MYT1L: variants seen among roughly 807,000 people sequenced by gnomAD.
The protein encoded by MYT1L is myelin transcription factor 1-like protein.
In MYT1L, 12 loss-of-function variants were observed where a neutral mutation model predicts 126.7. The ratio of observed to expected loss-of-function variants is 0.09; its 90% CI spans 0.06 to 0.15. The LOEUF is 0.15. MYT1L is among the 10% of genes least tolerant of loss of function. MYT1L has a pLI of 1.00. For synonymous variants in MYT1L, 541 were observed against 604.2 expected (o/e 0.90, Z 1.53); for missense variants, 979 against 1,585.2 (o/e 0.62, Z 6.49).
chr2:2,075,242 G>C (rs1179522235), intron 3 of MYT1L, among the ~76,000 whole-genome samples: 3 of 152,186 alleles, frequency 2.0e-5, no homozygotes, highest in Non-Finnish European at 4.4e-5. Context: ...ATAAAGAAAG[G>C]ATTATTTTTC....
chr2:2,213,616 A>G (rs1171430532), intron 2 of MYT1L, among the ~76,000 whole-genome samples: 1 of 152,206 alleles, frequency 6.6e-6, no homozygotes, highest in African/African-American at 2.4e-5. Context: ...GAGCACTCAG[A>G]AGGCCTCAAC....
At chr2:1,862,035 G>A (rs2044751876) in intron 18 of MYT1L, among the ~76,000 whole-genome samples, 1 of 152,200 alleles carries the variant, frequency 6.6e-6, no homozygotes, top group African/African-American at 2.4e-5. Context: ...GTTACCTGAT[G>A]TTTTCTCTTT....
chr2:2,120,330 T>C (rs1357521160), intron 3 of MYT1L, among the ~76,000 whole-genome samples: 6 of 152,166 alleles, frequency 3.9e-5, no homozygotes, highest in Non-Finnish European at 8.8e-5. Context: ...GTCATCTGCC[T>C]GGGCCTCTGT....
chr2:1,914,364 T>G (rs573991939), intron 11 of MYT1L, among the ~76,000 whole-genome samples: 1 of 152,258 alleles, frequency 6.6e-6, no homozygotes, highest in South Asian at 2.1e-4. Context: ...TGGTTTTCTG[T>G]TTCTCTGATT....
intron 2 of MYT1L, among the ~76,000 whole-genome samples, chr2:2,208,142 C>T (rs780880607): frequency 2.6e-5 from 4 of 152,184 alleles, no homozygotes; most frequent in African/African-American, 7.2e-5. Flanking sequence ...TCTCTCCAGC[C>T]GTCTCAGGGG....
chr2:2,293,742 C>T (rs575595662), intron 1 of MYT1L, among the ~76,000 whole-genome samples: 1 of 152,268 alleles, frequency 6.6e-6, no homozygotes, highest in African/African-American at 2.4e-5. Context: ...TGGACACCAA[C>T]CCCCAGGTGC....
rs118166045 is a variant in MYT1L at position 1,899,985 on chromosome 2, C to A, written c.2032+3095G>T. Among the ~76,000 whole-genome samples, 57 of 152,350 alleles carry A rather than the reference C, an allele frequency of 3.7e-4. No homozygotes were observed. In the East Asian group the frequency reaches 7.7e-3, roughly 21 times the overall value. The stretch of plus-strand genomic sequence containing the variant: ...AGCTGGTGTGATTTAAGAGATGATT[C>A]TCCAAGGCTGTAGGGAAGGTCCTAT... On this transcript the variant is annotated intron_variant, in intron 14 of 24. Transcript: ENST00000647738.
At chr2:2,194,094 T>A (rs1025005423) in intron 2 of MYT1L, among the ~76,000 whole-genome samples, 2 of 151,944 alleles carry the variant, frequency 1.3e-5, no homozygotes, top group Non-Finnish European at 2.9e-5. Context: ...ATATATATAT[T>A]TTTGAGATGG....
At chr2:1,954,297 C>T (rs149204817) in intron 8 of MYT1L, among the ~76,000 whole-genome samples, 25 of 152,286 alleles carry the variant, frequency 1.6e-4, no homozygotes, top group African/African-American at 5.1e-4. Context: ...ACTCACTGCC[C>T]GTTAGATGCT....
intron 18 of MYT1L, among the ~76,000 whole-genome samples, chr2:1,860,038 T>G (rs1006668867): frequency 1.3e-5 from 2 of 152,252 alleles, no homozygotes; most frequent in African/African-American, 4.8e-5. Flanking sequence ...AGCCTAGGAC[T>G]CTTCACTTAT....
chr2:1,901,973 T>C (rs146064757), intron 14 of MYT1L, among the ~76,000 whole-genome samples: 14 of 152,350 alleles, frequency 9.2e-5, no homozygotes, highest in African/African-American at 3.1e-4. Context: ...AGTATCTTTT[T>C]CAAAGAAAAG....
chr2:2,129,922 T>A lies in MYT1L; in HGVS notation c.-304+42950A>T, dbSNP rs1206640579. Among the ~76,000 whole-genome samples the A allele has an allele frequency of 4.1e-4, 58 of 141,916 alleles. 2 individuals are homozygous for A. The South Asian group carries it at 8.1e-3, about 20-fold the overall frequency. 93.1% of individuals were successfully genotyped at this position (141,916 alleles called of 152,430 possible). A position where few individuals can be genotyped will look rare whatever the true frequency, so the allele number is the denominator to read the frequency against. ...CTCCATCTCAAAAAAAAAAAAAAAATTAACTTCTTTAAAGAATTGTAAACT... is the reference window on the plus strand; with the variant it reads ...CTCCATCTCAAAAAAAAAAAAAAAAATAACTTCTTTAAAGAATTGTAAACT... On this transcript the variant is annotated intron_variant, in intron 3 of 24. Transcript: ENST00000647738.
At chr2:1,821,120 G>A (rs1302249164) in intron 21 of MYT1L, among the ~76,000 whole-genome samples, 7 of 152,188 alleles carry the variant, frequency 4.6e-5, no homozygotes, top group Admixed American at 3.9e-4. Flanking sequence ...GTAGAGCCCC[G>A]GACGACATAG....
chr2:1,865,830 TACA>T (rs1239486155), intron 18 of MYT1L, among the ~76,000 whole-genome samples: 2 of 152,210 alleles, frequency 1.3e-5, no homozygotes, highest in African/African-American at 2.4e-5. Flanking sequence ...GCACTGTGTT[TACA>T]ACATCTTCCT....
chr2:2,048,905 A>G (rs941589052), intron 4 of MYT1L, among the ~76,000 whole-genome samples: 3 of 152,196 alleles, frequency 2.0e-5, no homozygotes, highest in Admixed American at 1.3e-4. Flanking sequence ...GTGGCCTGTG[A>G]CTTTGATAAC....
intron 2 of MYT1L, among the ~76,000 whole-genome samples, chr2:2,187,897 G>A (rs1014181501): frequency 6.6e-6 from 1 of 151,968 alleles, no homozygotes; most frequent in East Asian, 1.9e-4. Context: ...AAAGTTCTCA[G>A]ATTATCCCTC....
At chr2:2,089,226 T>C (rs2076660388) in intron 3 of MYT1L, among the ~76,000 whole-genome samples, 1 of 152,248 alleles carries the variant, frequency 6.6e-6, no homozygotes, top group Non-Finnish European at 1.5e-5. Flanking sequence ...ATTTGCTCTA[T>C]TGTTAAGGCA....
chr2:2,227,952 A>G (rs1188187839), intron 2 of MYT1L, among the ~76,000 whole-genome samples: 1 of 152,254 alleles, frequency 6.6e-6, no homozygotes, highest in Non-Finnish European at 1.5e-5. Flanking sequence ...TCAATTCTTC[A>G]GATATTCTGA....
At chr2:1,989,245 A>G (rs1316370767) in intron 5 of MYT1L, among the ~76,000 whole-genome samples, 1 of 152,148 alleles carries the variant, frequency 6.6e-6, no homozygotes, top group East Asian at 1.9e-4. Context: ...TTCATTTTTA[A>G]CAGGATTTGG....
Sources: gnomAD v4.1 joint callset for allele counts (sites outside exome capture counted in the v4.1 genomes callset) on GRCh38, gnomAD v4.1.1 for gene constraint, MANE v1.5 for transcripts, NCBI Gene and HGNC (gene_info 2026-07-23, HGNC 2026-07-21) for gene names.